CLPB: variants seen among roughly 807,000 people sequenced by gnomAD.
The protein encoded by CLPB is ClpB family mitochondrial disaggregase.
CLPB carries 40 observed loss-of-function variants against 78.4 expected under a neutral mutation model. The ratio of observed to expected loss-of-function variants is 0.51; its 90% CI spans 0.40 to 0.66. CLPB has a LOEUF of 0.66. Among genes scored for constraint, CLPB ranks in the 30% least tolerant of loss-of-function variants. The pLI is 0.00. For missense variants in CLPB, 780 were observed against 886.9 expected (o/e 0.88, Z 1.53); for synonymous variants, 333 against 348.0 (o/e 0.96, Z 0.48).
chr11:72,354,781 C>A (rs1158958717), intron 5 of CLPB: 1 of 154,408 alleles, frequency 6.5e-6, no homozygotes, highest in Non-Finnish European at 1.4e-5. Flanking sequence ...TTCTGGAGAA[C>A]TCTGGCAAAC....
At chr11:72,366,874 T>C (rs1950952421) in intron 4 of CLPB, among the ~76,000 whole-genome samples, 1 of 152,098 alleles carries the variant, frequency 6.6e-6, no homozygotes, top group Non-Finnish European at 1.5e-5. Flanking sequence ...CATTACTGGG[T>C]ATATATCCAA....
At chr11:72,378,437 AG>A in intron 4 of CLPB, among the ~76,000 whole-genome samples, 1 of 152,346 alleles carries the variant, frequency 6.6e-6, no homozygotes, top group African/African-American at 2.4e-5. Flanking sequence ...ATGAGGACGA[AG>A]CAAAAATGGG....
At chr11:72,301,703 A>G in intron 11 of CLPB, 100 bp downstream of exon 11, 5 of 1,310,952 alleles carry the variant, frequency 3.8e-6, no homozygotes, top group Admixed American at 4.2e-5. Context: ...CAGGAAGCCG[A>G]GGAATGACCA....
chr11:72,310,283 T>A (rs554456520), intron 7 of CLPB, among the ~76,000 whole-genome samples: 7 of 152,328 alleles, frequency 4.6e-5, no homozygotes, highest in Non-Finnish European at 8.8e-5. Context: ...GACTAGCCAC[T>A]TCTGCCTGCC....
chr11:72,366,767 T>C (rs370883215), intron 4 of CLPB, among the ~76,000 whole-genome samples: 7 of 152,314 alleles, frequency 4.6e-5, no homozygotes, highest in African/African-American at 1.7e-4. Flanking sequence ...AGAATGCTTA[T>C]ACACTGTTGG....
At chr11:72,414,239 C>G (rs1855956763) in intron 2 of CLPB, among the ~76,000 whole-genome samples, 1 of 152,124 alleles carries the variant, frequency 6.6e-6, no homozygotes, top group Non-Finnish European at 1.5e-5. Flanking sequence ...ATCTGGGTAC[C>G]CCTGCCCAGA....
intron 15 of CLPB, 47 bp from the exon 16 acceptor site, chr11:72,293,662 C>A: frequency 6.4e-7 from 1 of 1,572,894 alleles, no homozygotes; most frequent in South Asian, 1.2e-5. Flanking sequence ...CTGGACCCAG[C>A]TTGGAGGTCG....
At chr11:72,391,014 T>A (rs1459945292) in intron 3 of CLPB, among the ~76,000 whole-genome samples, 1 of 152,214 alleles carries the variant, frequency 6.6e-6, no homozygotes, top group African/African-American at 2.4e-5. Flanking sequence ...TGCAACAACA[T>A]AGATGGATGA....
intron 6 of CLPB, among the ~76,000 whole-genome samples, chr11:72,324,216 C>T (rs1950093961): frequency 6.6e-6 from 1 of 151,998 alleles, no homozygotes. Context: ...ATACAGTGAT[C>T]CATACATTCC....
intron 5 of CLPB, among the ~76,000 whole-genome samples, chr11:72,330,017 AACAC>A (rs755355928): frequency 2.6e-5 from 4 of 152,228 alleles, no homozygotes; most frequent in Non-Finnish European, 5.9e-5. Flanking sequence ...TACATACACA[AACAC>A]ACACAGTTGA....
At position 72,373,817 on chromosome 11, in the gene CLPB, C is replaced by T. The variant is rs748662799; in HGVS notation, c.646+6464G>A. On this transcript the variant is annotated intron_variant, in intron 4 of 15. Transcript: ENST00000538039. ...TAGTAAAATAAAAATAAAAATTAGC[C>T]GGGCGTGGTGGTGGCGCCAGTAATC... 7.4e-4 allele frequency among the ~76,000 whole-genome samples: 113 copies of T among 151,740 alleles called. 1 individual carries two copies. Among genetic ancestry groups the T allele is most frequent in the Admixed American group, 1.8e-3 (28 of 15,228 alleles).
chr11:72,290,212 CAG>C lies in CLPB; in HGVS notation c.*3153_*3154del, dbSNP rs1321196766. The C allele has an allele frequency of 1.3e-5, 2 of 152,146 alleles. No homozygotes were observed. Among genetic ancestry groups the C allele is most frequent in the South Asian group, 2.1e-4 (1 of 4,822 alleles). The allele number at this position is 152,146 out of a possible 1,614,324, so 9.4% of individuals were successfully genotyped here. On this transcript the variant is annotated 3_prime_UTR_variant, in exon 16 of 16. Coordinates refer to ENST00000538039, the MANE Select transcript of CLPB (RefSeq NM_001258392.3). ...GTGCCAGAAAATGCTTAAAAAGTGA[CAG>C]GGGCAATGTCGAAACAACACAGTGC...
intron 5 of CLPB, among the ~76,000 whole-genome samples, chr11:72,356,706 C>G (rs1390300875): frequency 6.6e-6 from 1 of 152,168 alleles, no homozygotes; most frequent in Non-Finnish European, 1.5e-5. Flanking sequence ...TGGAACGGCT[C>G]AAAGGGCCAG....
intron 2 of CLPB, among the ~76,000 whole-genome samples, chr11:72,424,697 T>C (rs1295050899): frequency 2.0e-5 from 3 of 152,096 alleles, no homozygotes; most frequent in African/African-American, 7.2e-5. Flanking sequence ...CCATCCTGGC[T>C]AACATGGTGA....
intron 9 of CLPB, among the ~76,000 whole-genome samples, chr11:72,306,243 T>C (rs2135508988): frequency 6.6e-6 from 1 of 152,296 alleles, no homozygotes; most frequent in Non-Finnish European, 1.5e-5. Flanking sequence ...CAATCTGAGC[T>C]ACCTTGTTTC....
At chr11:72,310,676 G>C (rs7938979) in intron 7 of CLPB, among the ~76,000 whole-genome samples, 8,682 of 152,262 alleles carry the variant, frequency 0.057, 348 homozygotes, top group African/African-American at 0.11. Flanking sequence ...GCTAAATTAA[G>C]AGTCTAGGTT....
intron 8 of CLPB, 121 bp from the exon 9 acceptor site, chr11:72,307,375 C>T (rs772436590): frequency 1.0e-4 from 90 of 858,756 alleles, no homozygotes; most frequent in Admixed American, 8.8e-4. Context: ...AATGTTGAGG[C>T]GCAGAAAGGA....
At chr11:72,394,293 T>C (rs1855338604) in intron 3 of CLPB, among the ~76,000 whole-genome samples, 2 of 152,170 alleles carry the variant, frequency 1.3e-5, no homozygotes, top group South Asian at 4.1e-4. Context: ...AACTAGACCA[T>C]CTCACAGTTC....
intron 8 of CLPB, among the ~76,000 whole-genome samples, chr11:72,308,161 G>A (rs970176172): frequency 3.9e-5 from 6 of 152,240 alleles, no homozygotes; most frequent in African/African-American, 1.4e-4. Context: ...CAGCTAGGCT[G>A]TACTGAACAT....
Sources: allele counts gnomAD v4.1 joint callset (sites outside exome capture counted in the v4.1 genomes callset), GRCh38; gene constraint gnomAD v4.1.1; transcripts MANE v1.5; gene names NCBI Gene and HGNC (gene_info 2026-07-23, HGNC 2026-07-21).